Variants in STXBP5L observed in about 807,000 individuals in gnomAD.
The protein encoded by STXBP5L is syntaxin-binding protein 5-like.
In STXBP5L, 65 loss-of-function variants were observed where a neutral mutation model predicts 144.5. The observed-to-expected ratio is 0.45, with a 90% CI of 0.37 to 0.55. STXBP5L has a LOEUF of 0.55. Among genes scored for constraint, STXBP5L ranks in the 20% least tolerant of loss-of-function variants. The probability of loss-of-function intolerance (pLI) is 0.00; values close to 1 mark genes in which losing one functional copy is unlikely to be tolerated. For synonymous variants in STXBP5L, 505 were observed against 469.6 expected (o/e 1.08, Z -0.97); for missense variants, 1,298 against 1,405.5 (o/e 0.92, Z 1.22).
chr3:121,279,903 A>C lies in STXBP5L; in HGVS notation c.2057A>C (p.Asp686Ala), dbSNP rs1480257449. 1 of 1,612,516 alleles carries C rather than the reference A, an allele frequency of 6.2e-7. No homozygotes were observed. Among genetic ancestry groups the C allele is most frequent in the Admixed American group, 1.7e-5 (1 of 59,820 alleles). The change falls in exon 19 of 27, where the codon GAC (aspartate) becomes GCC (alanine). Residue 686 changes from aspartate (D) to alanine (A), a missense_variant. Physicochemically the swap from Asp to Ala is moderately radical, Grantham distance 126. Transcript: ENST00000471454. ...MGTIDLYRSSDLYQRQPRSPR... is the reference protein window; with the variant it reads ...MGTIDLYRSSALYQRQPRSPR... ...ACCATTGACCTATATAGATCAAGTG[A>C]CTTATACCAGCGACAACCACGGTCT... is the stretch of plus-strand genomic sequence containing the variant.
At chr3:121,350,357 G>T (rs2045222705) in intron 20 of STXBP5L, among the ~76,000 whole-genome samples, 2 of 152,104 alleles carry the variant, frequency 1.3e-5, no homozygotes, top group Admixed American at 1.3e-4. Context: ...TCCCTTTGTG[G>T]GTAACCCGAC....
At chr3:121,218,684 G>A (rs1282645896) in intron 10 of STXBP5L, among the ~76,000 whole-genome samples, 1 of 152,006 alleles carries the variant, frequency 6.6e-6, no homozygotes, top group Non-Finnish European at 1.5e-5. Flanking sequence ...ATGATCAGAT[G>A]TTGCCAAGCA....
chr3:120,927,218 AGCCAC>A (rs1709686771), intron 2 of STXBP5L, among the ~76,000 whole-genome samples: 5 of 152,314 alleles, frequency 3.3e-5, no homozygotes, highest in African/African-American at 1.2e-4. Flanking sequence ...TACAGGTGTG[AGCCAC>A]TACGCCCAGC....
At chr3:120,972,255 T>C (rs901074706) in intron 3 of STXBP5L, among the ~76,000 whole-genome samples, 2 of 152,120 alleles carry the variant, frequency 1.3e-5, no homozygotes, top group African/African-American at 4.8e-5. Flanking sequence ...CTTTCATTGT[T>C]GTTTTGTAGT....
At chr3:120,967,519 G>A (rs958851048) in intron 3 of STXBP5L, among the ~76,000 whole-genome samples, 2 of 152,160 alleles carry the variant, frequency 1.3e-5, no homozygotes, top group East Asian at 3.9e-4. Flanking sequence ...TCTTACTCTA[G>A]CTAAAGGTTT....
intron 10 of STXBP5L, among the ~76,000 whole-genome samples, chr3:121,212,617 C>G (rs1012698127): frequency 2.0e-5 from 3 of 152,088 alleles, no homozygotes; most frequent in African/African-American, 2.4e-5. Flanking sequence ...GTTACTATAG[C>G]CTTGCAGTAT....
chr3:121,418,764 C>A (rs888994746), intron 26 of STXBP5L, among the ~76,000 whole-genome samples: 1 of 117,552 alleles, frequency 8.5e-6, no homozygotes, highest in African/African-American at 2.8e-5. Context: ...ATCGATACTT[C>A]TTTACCTTAG....
At chr3:121,185,241 G>A (rs1247990800) in intron 9 of STXBP5L, among the ~76,000 whole-genome samples, 1 of 152,180 alleles carries the variant, frequency 6.6e-6, no homozygotes, top group Non-Finnish European at 1.5e-5. Context: ...CTCCCATTCT[G>A]TAGGTTGCCT....
intron 3 of STXBP5L, among the ~76,000 whole-genome samples, chr3:120,994,370 C>T (rs961407713): frequency 6.6e-6 from 1 of 151,766 alleles, no homozygotes; most frequent in Non-Finnish European, 1.5e-5. Context: ...TTTTCTGTGT[C>T]TTAGAAAAAA....
chr3:121,163,595 A>G (rs928359665), intron 9 of STXBP5L, among the ~76,000 whole-genome samples: 36 of 152,180 alleles, frequency 2.4e-4, no homozygotes, highest in African/African-American at 7.0e-4. Context: ...TTAATAAACA[A>G]TAAAACAGAA....
chr3:120,949,384 T>C (rs1711055884), intron 2 of STXBP5L, among the ~76,000 whole-genome samples: 1 of 152,172 alleles, frequency 6.6e-6, no homozygotes, highest in Non-Finnish European at 1.5e-5. Context: ...ACTCTGCTGA[T>C]TATTTCTTTT....
chr3:121,218,136 ATAATG>A (rs1229505182), intron 10 of STXBP5L, among the ~76,000 whole-genome samples: 5 of 140,802 alleles, frequency 3.6e-5, no homozygotes, highest in Admixed American at 7.5e-5. Flanking sequence ...AATATGTAGT[ATAATG>A]TAATGTAATA....
intron 5 of STXBP5L, among the ~76,000 whole-genome samples, chr3:121,091,774 G>T (rs1161168531): frequency 6.6e-6 from 1 of 152,104 alleles, no homozygotes; most frequent in East Asian, 1.9e-4. Flanking sequence ...AAGCTCTTTA[G>T]TTTAATTAGA....
At position 121,051,495 on chromosome 3, in the gene STXBP5L, G is replaced by T. The variant is rs568371318; in HGVS notation, c.470+5960G>T. Among the ~76,000 whole-genome samples, 9 of 152,060 alleles carry T rather than the reference G, an allele frequency of 5.9e-5. No homozygotes were observed. The East Asian group carries it at 1.7e-3, about 29-fold the overall frequency. On this transcript the variant is annotated intron_variant, in intron 5 of 26. Coordinates refer to ENST00000471454, the MANE Select transcript of STXBP5L (RefSeq NM_001308330.2). ...CTGCTCCTGAATGACTACTGGGTAC[G>T]TGACGAAAAGAAGACAGAAATAAAG...
intron 19 of STXBP5L, among the ~76,000 whole-genome samples, chr3:121,284,125 A>G (rs1052223986): frequency 2.0e-5 from 3 of 152,038 alleles, no homozygotes; most frequent in Non-Finnish European, 4.4e-5. Context: ...TAAAGTTTTT[A>G]AAAGTTCTGA....
chr3:121,279,741 T>C, intron 18 of STXBP5L, 64 bp from the exon 19 acceptor site: 1 of 1,571,278 alleles, frequency 6.4e-7, no homozygotes, highest in Non-Finnish European at 8.7e-7. Context: ...CTATGATTGA[T>C]TTGAAGATAA....
At chr3:121,046,552 G>C (rs1304886347) in intron 5 of STXBP5L, among the ~76,000 whole-genome samples, 1 of 152,008 alleles carries the variant, frequency 6.6e-6, no homozygotes, top group African/African-American at 2.4e-5. Flanking sequence ...TTATTGGTCT[G>C]TCCAGGGATT....
intron 20 of STXBP5L, among the ~76,000 whole-genome samples, chr3:121,358,158 T>A (rs1354827078): frequency 6.6e-6 from 1 of 152,152 alleles, no homozygotes; most frequent in East Asian, 1.9e-4. Context: ...AAGATACAAT[T>A]ATTATTGACT....
chr3:121,403,348 G>T (rs1212747471), intron 22 of STXBP5L, among the ~76,000 whole-genome samples: 4 of 152,042 alleles, frequency 2.6e-5, no homozygotes, highest in African/African-American at 9.7e-5. Flanking sequence ...CTGTGTGGTA[G>T]TTATTCACTA....
Sources: gnomAD v4.1 joint callset for allele counts (sites outside exome capture counted in the v4.1 genomes callset) on GRCh38, gnomAD v4.1.1 for gene constraint, MANE v1.5 for transcripts, NCBI Gene and HGNC (gene_info 2026-07-23, HGNC 2026-07-21) for gene names.